PHACTR3: variants seen among roughly 807,000 people sequenced by gnomAD.
PHACTR3 encodes phosphatase and actin regulator 3, also known as protein phosphatase 1, regulatory subunit 123.
In PHACTR3, 16 loss-of-function variants were observed where a neutral mutation model predicts 66.8. The observed-to-expected ratio is 0.24, with a 90% CI of 0.16 to 0.36. The LOEUF is 0.36. Among genes scored for constraint, PHACTR3 ranks in the 10% least tolerant of loss-of-function variants. PHACTR3 has a pLI of 1.00. For missense variants in PHACTR3, 647 were observed against 719.9 expected, an observed-to-expected ratio of 0.90 and a Z score of 1.16; for synonymous variants, 323 against 292.1, an observed-to-expected ratio of 1.11 and a Z score of -1.08.
At chr20:59,683,561 G>T (rs563056808) in intron 1 of PHACTR3, among the ~76,000 whole-genome samples, 1 of 144,424 alleles carries the variant, frequency 6.9e-6, no homozygotes, top group African/African-American at 2.6e-5. Context: ...ATCCAATATT[G>T]CTTGCCTTTG....
At chr20:59,742,119 G>T (rs757458473) in intron 1 of PHACTR3, among the ~76,000 whole-genome samples, 1 of 152,234 alleles carries the variant, frequency 6.6e-6, no homozygotes, top group Non-Finnish European at 1.5e-5. Flanking sequence ...ACACCAGTGT[G>T]TGCCTGTATA....
intron 11 of PHACTR3, among the ~76,000 whole-genome samples, chr20:59,842,817 T>G (rs1322704278): frequency 6.6e-6 from 1 of 152,100 alleles, no homozygotes; most frequent in Non-Finnish European, 1.5e-5. Context: ...TGGGGAAGGG[T>G]TGTCTTCCCA....
chr20:59,745,435 T>C (rs1209721306), intron 2 of PHACTR3, among the ~76,000 whole-genome samples: 1 of 152,154 alleles, frequency 6.6e-6, no homozygotes, highest in South Asian at 2.1e-4. Context: ...TGCAAGGGCA[T>C]TGGAGGTCTC....
At chr20:59,609,478 C>G (rs989328387) in intron 1 of PHACTR3, among the ~76,000 whole-genome samples, 1 of 146,718 alleles carries the variant, frequency 6.8e-6, no homozygotes, top group African/African-American at 2.5e-5. Flanking sequence ...TCTCCCACCC[C>G]CACCCCCACC....
intron 1 of PHACTR3, among the ~76,000 whole-genome samples, chr20:59,714,626 C>G (rs971348734): frequency 3.9e-5 from 6 of 152,144 alleles, no homozygotes; most frequent in African/African-American, 1.4e-4. Context: ...AATCCTACCA[C>G]TTTGTTTTTT....
Position 59,657,380 on chromosome 20 carries a change from C to A in PHACTR3, c.118+52248C>A, listed in dbSNP as rs140355130. On this transcript the variant is annotated intron_variant, in intron 1 of 12. Transcript: ENST00000371015. ...GCTGTCTTTCATAATTACATCATTA[C>A]CTTTACTGGAGCTCCTTGTTTTGTG... Among the ~76,000 whole-genome samples, 1,163 of 151,962 alleles carry A rather than the reference C, an allele frequency of 7.7e-3. 15 individuals are homozygous for A. The highest frequency in any genetic ancestry group is 0.026 in the African/African-American group (1,094 of 41,488).
intron 7 of PHACTR3, among the ~76,000 whole-genome samples, chr20:59,775,634 C>T (rs753911146): frequency 2.0e-5 from 3 of 152,166 alleles, no homozygotes; most frequent in Non-Finnish European, 4.4e-5. Context: ...ACTGCCACCG[C>T]GGAACCAGTG....
chr20:59,614,607 G>A (rs1026535828), intron 1 of PHACTR3, among the ~76,000 whole-genome samples: 1 of 152,164 alleles, frequency 6.6e-6, no homozygotes, highest in Admixed American at 6.5e-5. Context: ...GACCTAAGAA[G>A]TGTGTTTATT....
At chr20:59,638,470 G>GTGGATGGA (rs538406401) in intron 1 of PHACTR3, among the ~76,000 whole-genome samples, 2 of 149,638 alleles carry the variant, frequency 1.3e-5, no homozygotes, top group East Asian at 4.0e-4. Context: ...AGGTAGATGG[G>GTGGATGGA]TGGATGGATG....
intron 1 of PHACTR3, among the ~76,000 whole-genome samples, chr20:59,669,536 T>C (rs190327934): frequency 1.3e-5 from 2 of 152,328 alleles, no homozygotes; most frequent in Admixed American, 1.3e-4. Flanking sequence ...GTTTTGAGTA[T>C]GTGAGCAGTG....
chr20:59,601,650 G>A (rs1054626842), upstream of PHACTR3, among the ~76,000 whole-genome samples: 1 of 152,212 alleles, frequency 6.6e-6, no homozygotes, highest in African/African-American at 2.4e-5. Flanking sequence ...AGTCTCTCCG[G>A]CAGGCAATTT....
chr20:59,703,356 G>A (rs74561681), intron 1 of PHACTR3, among the ~76,000 whole-genome samples: 5,317 of 152,198 alleles, frequency 0.035, 253 homozygotes, highest in African/African-American at 0.11. Flanking sequence ...AATAGTAGTC[G>A]TATCGTTGTC....
chr20:59,847,399 T>C lies in PHACTR3; in HGVS notation c.*269T>C, dbSNP rs1194288441. Reference sequence around the variant, plus strand: ...CATAACTCTATCAGAAGAAAACTGTTGTTTGCCTTTCAACCTTGTTTTACA... The same window carrying C: ...CATAACTCTATCAGAAGAAAACTGTCGTTTGCCTTTCAACCTTGTTTTACA... On this transcript the variant is annotated 3_prime_UTR_variant, in exon 13 of 13. Coordinates refer to ENST00000371015, the MANE Select transcript of PHACTR3 (RefSeq NM_080672.5). 1 of 340,146 alleles carries C rather than the reference T, an allele frequency of 2.9e-6. No individual in the cohort carries two copies. The highest frequency in any genetic ancestry group is 5.5e-6 in the Non-Finnish European group (1 of 181,776). 21.1% of individuals were successfully genotyped at this position (340,146 alleles called of 1,614,324 possible).
rs1352644609 is a variant in PHACTR3 at position 59,820,979 on chromosome 20, T to A, written c.1328+14785T>A. Among the ~76,000 whole-genome samples, 1 of 152,132 alleles carries A rather than the reference T, an allele frequency of 6.6e-6. No individual in the cohort carries two copies. Among genetic ancestry groups the A allele is most frequent in the African/African-American group, 2.4e-5 (1 of 41,440 alleles). ...GGACTAAATACCACACAGTCCTGCT[T>A]CACCCAGGATCGGGGCTTAGCGTGT... On this transcript the variant is annotated intron_variant, in intron 8 of 12. Transcript: ENST00000371015. The surrounding 1 kb of genome is among the most constrained non-coding windows in gnomAD (Gnocchi z 4.6).
chr20:59,708,446 C>A (rs6015557), intron 1 of PHACTR3, among the ~76,000 whole-genome samples: 4 of 152,108 alleles, frequency 2.6e-5, no homozygotes, highest in African/African-American at 7.3e-5. Context: ...GGAAAGCATC[C>A]GCCCAGAAGG....
intron 1 of PHACTR3, among the ~76,000 whole-genome samples, chr20:59,580,684 T>C (rs1350999474): frequency 6.6e-6 from 1 of 152,134 alleles, no homozygotes; most frequent in Non-Finnish European, 1.5e-5. Flanking sequence ...AAAAGACAGT[T>C]TGAAATTTAA....
At chr20:59,608,642 A>G (rs1600905405) in intron 1 of PHACTR3, among the ~76,000 whole-genome samples, 2 of 152,186 alleles carry the variant, frequency 1.3e-5, no homozygotes, top group South Asian at 4.2e-4. Context: ...TGATCCCATC[A>G]CTGCTCCTCA....
At chr20:59,843,692 A>G (rs2145527879) in intron 11 of PHACTR3, 1 of 152,258 alleles carries the variant, frequency 6.6e-6, no homozygotes, top group South Asian at 2.1e-4. Context: ...CTTGAAGAAT[A>G]AAGACTTAAA....
Position 59,829,336 on chromosome 20 carries a change from C to T in PHACTR3, c.1329-7169C>T. The stretch of plus-strand genomic sequence containing the variant: ...TGTGGACACACTCCATCCCCTCTGC[C>T]TGGATGCCCATCCCAGGTCTTTCCC... On this transcript the variant is annotated intron_variant, in intron 8 of 12. Coordinates refer to ENST00000371015, the MANE Select transcript of PHACTR3 (RefSeq NM_080672.5). This position sits in a 1 kb window ranked among gnomAD's most constrained non-coding sequence, Gnocchi z 4.2. Among the ~76,000 whole-genome samples the T allele has an allele frequency of 6.6e-6, 1 of 151,840 alleles. No homozygotes were observed. Among genetic ancestry groups the T allele is most frequent in the Non-Finnish European group, 1.5e-5 (1 of 68,028 alleles).
Sources: allele counts gnomAD v4.1 joint callset (sites outside exome capture counted in the v4.1 genomes callset), GRCh38; gene constraint gnomAD v4.1.1; non-coding constraint Gnocchi (gnomAD v3.1); transcripts MANE v1.5; gene names NCBI Gene and HGNC (gene_info 2026-07-23, HGNC 2026-07-21).